Variants in USP47 observed in about 807,000 individuals in gnomAD.
USP47 encodes ubiquitin specific peptidase 47.
In USP47, 35 loss-of-function variants were observed where a neutral mutation model predicts 165.1. That is an observed-to-expected ratio of 0.21 (90% CI 0.16 to 0.28). The LOEUF (loss-of-function observed/expected upper bound fraction) is 0.28. Among genes scored for constraint, USP47 ranks in the 10% least tolerant of loss-of-function variants. The probability of loss-of-function intolerance (pLI) is 1.00; values close to 1 mark genes in which losing one functional copy is unlikely to be tolerated. For missense variants in USP47, 1,277 were observed against 1,607.4 expected, an observed-to-expected ratio of 0.79 and a Z score of 3.52; for synonymous variants, 531 against 544.5, an observed-to-expected ratio of 0.98 and a Z score of 0.35.
intron 1 of USP47, among the ~76,000 whole-genome samples, chr11:11,867,505 T>A (rs1849759024): frequency 6.6e-6 from 1 of 152,188 alleles, no homozygotes; most frequent in African/African-American, 2.4e-5. Context: ...GCTGTTAAAT[T>A]TTGTGTTTTT....
intron 7 of USP47, 62 bp downstream of exon 7, chr11:11,903,404 G>T (rs1427966866): frequency 6.7e-7 from 1 of 1,493,822 alleles, no homozygotes; most frequent in South Asian, 1.2e-5. Flanking sequence ...TACCCTAAAT[G>T]ACTTTTATTC....
intron 27 of USP47, among the ~76,000 whole-genome samples, chr11:11,955,407 C>G (rs1236547758): frequency 6.6e-6 from 1 of 152,106 alleles, no homozygotes; most frequent in Non-Finnish European, 1.5e-5. Context: ...AAAATATGAT[C>G]ATTACATGTC....
chr11:11,908,945 G>A (rs1192851409), intron 8 of USP47, among the ~76,000 whole-genome samples: 4 of 151,990 alleles, frequency 2.6e-5, no homozygotes, highest in Non-Finnish European at 5.9e-5. Flanking sequence ...AATCCTCTTT[G>A]GAAATATCAC....
intron 20 of USP47, among the ~76,000 whole-genome samples, chr11:11,945,632 G>A (rs749476042): frequency 1.0e-4 from 15 of 150,116 alleles, no homozygotes; most frequent in South Asian, 2.1e-4. Context: ...TTTGGTTACC[G>A]CTTCACTTAA....
At chr11:11,865,722 T>C (rs980539600) in intron 1 of USP47, among the ~76,000 whole-genome samples, 7 of 152,280 alleles carry the variant, frequency 4.6e-5, no homozygotes, top group Non-Finnish European at 5.9e-5. Context: ...GGCCATCTTA[T>C]AATGGGTGTG....
Position 11,942,852 on chromosome 11 carries a change from C to T in USP47, c.2831C>T (p.Ser944Phe), listed in dbSNP as rs1371962198. ...TSSVDSDILS[S>F]SHSSDTLCNA... ...TCAGTGGACAGTGATATTCTTAGCT[C>T]CAGTCATAGCAGTGATACTTTGTGC... is the stretch of plus-strand genomic sequence containing the variant. The change falls in exon 20 of 28, where the codon TCC becomes TTC. Residue 944 changes from serine to phenylalanine, a missense_variant. Physicochemically the swap from Ser to Phe is radical, Grantham distance 155. Transcript: ENST00000527733. 1.2e-6 allele frequency: 2 copies of T among 1,613,688 alleles called. No homozygotes were observed. The highest frequency in any genetic ancestry group is 2.2e-5 in the East Asian group (1 of 44,870).
chr11:11,913,275 A>C (rs548986457), intron 8 of USP47, among the ~76,000 whole-genome samples: 54 of 149,470 alleles, frequency 3.6e-4, no homozygotes, highest in African/African-American at 1.2e-3. Flanking sequence ...AAAAAAAAAA[A>C]AACAACACCT....
chr11:11,892,068 G>A lies in USP47; in HGVS notation c.458G>A (p.Ser153Asn). 6.2e-7 allele frequency: 1 copy of A among 1,613,768 alleles called. No homozygotes were observed. The highest frequency in any genetic ancestry group is 1.7e-5 in the Admixed American group (1 of 59,970). Residue 153 changes from serine to asparagine, a missense_variant, in exon 4 of 28, where the codon AGC (serine) becomes AAC (asparagine). By Grantham distance (46) the Ser-to-Asn change is conservative (BLOSUM62 1). Transcript: ENST00000527733. ...TCTACCAGTGATTATGTCAGCCAAA[G>A]CTACTCCTACTCATCTATTTTGAAT... ...GGSTSDYVSQ[S>N]YSYSSILNKS...
chr11:11,859,987 C>G (rs1849282477), intron 1 of USP47, among the ~76,000 whole-genome samples: 1 of 151,628 alleles, frequency 6.6e-6, no homozygotes, highest in Admixed American at 6.6e-5. Flanking sequence ...GCCTGTAGTT[C>G]CAGCTACTTG....
At chr11:11,936,203 T>A (rs1308209786) in intron 16 of USP47, 100 bp from the exon 17 acceptor site, 1 of 596,432 alleles carries the variant, frequency 1.7e-6, no homozygotes, top group African/African-American at 2.0e-5. Flanking sequence ...TATTGTAATG[T>A]TATTCCCCAA....
At chr11:11,888,899 A>ATCT (rs1202013131) in intron 3 of USP47, among the ~76,000 whole-genome samples, 1 of 152,234 alleles carries the variant, frequency 6.6e-6, no homozygotes, top group Non-Finnish European at 1.5e-5. Context: ...TGTTCAACAT[A>ATCT]TGCGAATCAA....
intron 11 of USP47, among the ~76,000 whole-genome samples, chr11:11,928,052 G>A (rs1430455110): frequency 6.6e-6 from 1 of 151,966 alleles, no homozygotes; most frequent in Non-Finnish European, 1.5e-5. Context: ...TTTCCAGGAA[G>A]ATAATTATGT....
At chr11:11,945,587 G>C (rs1221171421) in intron 20 of USP47, among the ~76,000 whole-genome samples, 1 of 151,896 alleles carries the variant, frequency 6.6e-6, no homozygotes, top group Non-Finnish European at 1.5e-5. Context: ...AAATAAAGAT[G>C]GTAGTGCATT....
chr11:11,940,421 C>G lies in USP47; in HGVS notation c.2194-8C>G. 6.3e-7 allele frequency: 1 copy of G among 1,599,168 alleles called. No homozygotes were observed. Among genetic ancestry groups the G allele is most frequent in the Non-Finnish European group, 8.5e-7 (1 of 1,172,710 alleles). The stretch of plus-strand genomic sequence containing the variant: ...AGAGTACTTTTTATTAAATTGCTTT[C>G]ATTATAGGCCATCCATTTACCTGCT... On this transcript the variant is annotated splice_polypyrimidine_tract_variant and splice_region_variant and intron_variant, in intron 18 of 27. Transcript: ENST00000527733.
chr11:11,869,315 A>AT (rs59501871), intron 1 of USP47, among the ~76,000 whole-genome samples: 20,140 of 146,764 alleles, frequency 0.14, 1,551 homozygotes, highest in Middle Eastern at 0.4. Context: ...TAGGTTGAGA[A>AT]TTTTTTTTTT....
rs1186371004 is a variant in USP47, at chr11:11,932,136, G to A, written c.1652-868G>A. 3.3e-5 allele frequency among the ~76,000 whole-genome samples: 5 copies of A among 152,214 alleles called. No individual in the cohort carries two copies. In the South Asian group the frequency reaches 1.0e-3, roughly 32 times the overall value. ...TTCAGTCATGTCAGAAGGCAATATG[G>A]GAGCAGGCATTTCACATGGCAAAAG... On this transcript the variant is annotated intron_variant, in intron 14 of 27. Transcript: ENST00000527733.
rs190968869 is a variant in USP47 at position 11,880,897 on chromosome 11, C to A, written c.243+517C>A. On this transcript the variant is annotated intron_variant, in intron 2 of 27. Coordinates refer to ENST00000527733, the MANE Select transcript of USP47 (RefSeq NM_001282659.2). ...GCAACTTTTTTGTATGTTTATTTTT[C>A]TTTGTATGAACATGTGTAGCTTTTG... Among the ~76,000 whole-genome samples, 889 of 152,048 alleles carry A rather than the reference C, an allele frequency of 5.8e-3. 1 individual carries two copies. The highest frequency in any genetic ancestry group is 9.0e-3 in the Non-Finnish European group (611 of 67,932).
At chr11:11,843,265 G>A (rs1848242396) in intron 1 of USP47, among the ~76,000 whole-genome samples, 2 of 152,196 alleles carry the variant, frequency 1.3e-5, no homozygotes, top group African/African-American at 4.8e-5. Flanking sequence ...GTATGCAAGG[G>A]TGATATTATT....
chr11:11,951,129 C>T (rs1022678821), intron 24 of USP47: 2 of 152,188 alleles, frequency 1.3e-5, no homozygotes, highest in African/African-American at 4.8e-5. Flanking sequence ...GGTTTTTGGC[C>T]ATCATTGGCA....
Sources: gnomAD v4.1 joint callset for allele counts (sites outside exome capture counted in the v4.1 genomes callset) on GRCh38, gnomAD v4.1.1 for gene constraint, MANE v1.5 for transcripts, NCBI Gene and HGNC (gene_info 2026-07-23, HGNC 2026-07-21) for gene names.